The following SCRG1 variants were observed in gnomAD, a reference collection of about 807,000 sequenced individuals.
SCRG1 encodes the protein scrapie-responsive protein 1.
SCRG1 carries 3 observed loss-of-function variants against 7.7 expected under a neutral mutation model. The ratio of observed to expected loss-of-function variants is 0.39; its 90% CI spans 0.18 to 1.01. SCRG1 has a LOEUF of 1.01. SCRG1 is among the 50% of genes least tolerant of loss of function. The pLI is 0.36. For missense variants in SCRG1, 110 were observed against 117.2 expected, an observed-to-expected ratio of 0.94 and a Z score of 0.28; for synonymous variants, 46 against 41.2, an observed-to-expected ratio of 1.12 and a Z score of -0.44.
At chr4:173,508,031 G>T in the SCRG1 span, among the ~76,000 whole-genome samples, 1 of 152,170 alleles carries the variant, frequency 6.6e-6, no homozygotes, top group African/African-American at 2.4e-5. The surrounding 1 kb of genome is among the most constrained non-coding windows in gnomAD (Gnocchi z 4.4). Context: ...AGGGTGAGAT[G>T]GGTGGAGGGT....
At chr4:173,485,208 T>TATATATTACATTATATGTA in the SCRG1 span, among the ~76,000 whole-genome samples, 5 of 31,910 alleles carry the variant, frequency 1.6e-4, no homozygotes, top group African/African-American at 3.9e-4. Context: ...TATGATATAT[T>TATATATTACATTATATGTA]ATATATAGGA....
Position 173,386,151 on chromosome 4 carries a change from G to T in SCRG1, c.*2190C>A. 1 of 151,056 alleles carries T rather than the reference G, an allele frequency of 6.6e-6. No individual in the cohort carries two copies. Among genetic ancestry groups the T allele is most frequent in the Non-Finnish European group, 1.5e-5 (1 of 67,882 alleles). 9.4% of individuals were successfully genotyped at this position (151,056 alleles called of 1,614,324 possible). A position where few individuals can be genotyped will look rare whatever the true frequency, so the allele number is the denominator to read the frequency against. On this transcript the variant is annotated 3_prime_UTR_variant, in exon 3 of 3. Coordinates refer to ENST00000296506, the MANE Select transcript of SCRG1 (RefSeq NM_007281.4). ...TGTGTTTATATACACTTTTTTTTTG[G>T]GGGGACGGAGTCTCACTCTGTCGCC...
the SCRG1 span, among the ~76,000 whole-genome samples, chr4:173,488,853 G>T: frequency 6.6e-6 from 1 of 152,102 alleles, no homozygotes; most frequent in Non-Finnish European, 1.5e-5. Flanking sequence ...AGCTAGCCTT[G>T]GTCCTTACTC....
At chr4:173,437,098 A>G in the SCRG1 span, among the ~76,000 whole-genome samples, 2 of 152,218 alleles carry the variant, frequency 1.3e-5, no homozygotes, top group Non-Finnish European at 2.9e-5. Context: ...CTATGTTAAC[A>G]TCAACTCCTG....
upstream of SCRG1, among the ~76,000 whole-genome samples, chr4:173,408,450 T>A (rs1371046347): frequency 6.6e-6 from 1 of 152,220 alleles, no homozygotes; most frequent in African/African-American, 2.4e-5. Context: ...TAGTGACTCG[T>A]GTTGATTGGT....
chr4:173,485,584 T>C, the SCRG1 span, among the ~76,000 whole-genome samples: 3 of 152,082 alleles, frequency 2.0e-5, no homozygotes, highest in Admixed American at 1.3e-4. Context: ...CGATAGTTTG[T>C]TATACCATAC....
the SCRG1 span, among the ~76,000 whole-genome samples, chr4:173,443,803 C>A: frequency 6.6e-6 from 1 of 152,148 alleles, no homozygotes; most frequent in African/African-American, 2.4e-5. Flanking sequence ...ATACCTGGGA[C>A]TATAGGCTTG....
At chr4:173,500,290 G>T in the SCRG1 span, among the ~76,000 whole-genome samples, 2 of 152,190 alleles carry the variant, frequency 1.3e-5, no homozygotes, top group Non-Finnish European at 1.5e-5. Context: ...CCTGCCCCGC[G>T]CCAGCGAGCC....
the SCRG1 span, among the ~76,000 whole-genome samples, chr4:173,491,041 A>G: frequency 6.6e-6 from 1 of 152,152 alleles, no homozygotes; most frequent in Non-Finnish European, 1.5e-5. Context: ...CAGGCATTGC[A>G]GCAACTCTCT....
At chr4:173,509,731 C>G in the SCRG1 span, among the ~76,000 whole-genome samples, 1 of 152,196 alleles carries the variant, frequency 6.6e-6, no homozygotes, top group Non-Finnish European at 1.5e-5. The surrounding 1 kb of genome is among the most constrained non-coding windows in gnomAD (Gnocchi z 5.7). Context: ...CCCCAGGGCC[C>G]TTCTCGGGGG....
chr4:173,392,307 C>T (rs1476864440), intron 1 of SCRG1, among the ~76,000 whole-genome samples: 1 of 152,232 alleles, frequency 6.6e-6, no homozygotes, highest in East Asian at 1.9e-4. Flanking sequence ...CCCACATAGA[C>T]TACTTCCTCT....
the SCRG1 span, among the ~76,000 whole-genome samples, chr4:173,466,445 T>C: frequency 1.3e-5 from 2 of 152,008 alleles, no homozygotes; most frequent in Admixed American, 6.6e-5. Flanking sequence ...GGTCTTTCAG[T>C]TGGGAAGATA....
chr4:173,436,002 G>A, the SCRG1 span, among the ~76,000 whole-genome samples: 2 of 152,142 alleles, frequency 1.3e-5, no homozygotes, highest in African/African-American at 2.4e-5. Context: ...TTTTGGCAGT[G>A]AAACAGCTGG....
At chr4:173,407,990 G>A (rs1405268584), upstream of SCRG1, among the ~76,000 whole-genome samples, 1 of 152,088 alleles carries the variant, frequency 6.6e-6, no homozygotes, top group Non-Finnish European at 1.5e-5. Context: ...CTAAATAAAA[G>A]CATTTTCAAA....
At chr4:173,457,633 G>T in the SCRG1 span, among the ~76,000 whole-genome samples, 4 of 152,278 alleles carry the variant, frequency 2.6e-5, no homozygotes, top group Non-Finnish European at 5.9e-5. Flanking sequence ...CTTGAAACTG[G>T]TGACTAGAAA....
chr4:173,487,423 A>C, the SCRG1 span, among the ~76,000 whole-genome samples: 2 of 152,192 alleles, frequency 1.3e-5, no homozygotes, highest in African/African-American at 4.8e-5. Flanking sequence ...AAACAAGATG[A>C]AGCTAGACAG....
chr4:173,459,907 A>C, the SCRG1 span, among the ~76,000 whole-genome samples: 34 of 39,368 alleles, frequency 8.6e-4, no homozygotes, highest in African/African-American at 1.5e-3. Flanking sequence ...TTCCAACACA[A>C]AAAAAAAATA....
the SCRG1 span, among the ~76,000 whole-genome samples, chr4:173,513,766 C>A: frequency 6.6e-6 from 1 of 152,176 alleles, no homozygotes; most frequent in Non-Finnish European, 1.5e-5. Flanking sequence ...CTGGAGCAAC[C>A]TGCATTATTC....
At chr4:173,488,582 C>A in the SCRG1 span, among the ~76,000 whole-genome samples, 1 of 152,140 alleles carries the variant, frequency 6.6e-6, no homozygotes, top group Admixed American at 6.5e-5. Context: ...GTATGGTCTG[C>A]AGAATCCACA....
Sources: allele counts gnomAD v4.1 joint callset (sites outside exome capture counted in the v4.1 genomes callset), GRCh38; gene constraint gnomAD v4.1.1; non-coding constraint Gnocchi (gnomAD v3.1); transcripts MANE v1.5; gene names NCBI Gene and HGNC (gene_info 2026-07-23, HGNC 2026-07-21).